Variants in ELP4 observed in about 807,000 individuals in gnomAD.
The protein encoded by ELP4 is elongator acetyltransferase complex subunit 4, also known as elongator complex protein 4.
A neutral mutation model predicts 48.9 loss-of-function variants in ELP4; 51 were observed. The ratio of observed to expected loss-of-function variants is 1.04; its 90% CI spans 0.83 to 1.32. The LOEUF (loss-of-function observed/expected upper bound fraction) is 1.32. Among genes scored for constraint, ELP4 ranks in the 40% most tolerant of loss-of-function variants. The pLI is 0.00. For missense variants in ELP4, 519 were observed against 514.6 expected (o/e 1.01, Z -0.08); for synonymous variants, 210 against 189.2 (o/e 1.11, Z -0.90).
chr11:31,692,033 C>A (rs993313845), intron 9 of ELP4, among the ~76,000 whole-genome samples: 1 of 152,092 alleles, frequency 6.6e-6, no homozygotes, highest in African/African-American at 2.4e-5. Flanking sequence ...GTCTATGCAA[C>A]ATAACAGTGA....
chr11:31,581,554 CA>C (rs889642076), intron 3 of ELP4, among the ~76,000 whole-genome samples: 18 of 152,122 alleles, frequency 1.2e-4, no homozygotes, highest in Middle Eastern at 3.4e-3. Context: ...TGTTCACACC[CA>C]ACCTGAAGAA....
chr11:31,740,275 C>A (rs959725431), intron 9 of ELP4, among the ~76,000 whole-genome samples: 8 of 152,130 alleles, frequency 5.3e-5, no homozygotes, highest in Non-Finnish European at 7.4e-5. Flanking sequence ...CAACTGCTGG[C>A]ACATTTTAGT....
Position 31,786,426 on chromosome 11 carries a change from T to C in ELP4, c.*2902T>C, listed in dbSNP as rs538635671. ...AAAACCGAGCAGTTGAGTCATTCAGTACCAAGCCAAAACACAGAAAAACAA... is the reference window on the plus strand; with the variant it reads ...AAAACCGAGCAGTTGAGTCATTCAGCACCAAGCCAAAACACAGAAAAACAA... On this transcript the variant is annotated 3_prime_UTR_variant, in exon 10 of 10. Transcript: ENST00000640961. 3 of 217,412 alleles carry C rather than the reference T, an allele frequency of 1.4e-5. No homozygotes were observed. The highest frequency in any genetic ancestry group is 6.8e-5 in the East Asian group (1 of 14,776). 13.5% of individuals were successfully genotyped at this position (217,412 alleles called of 1,614,324 possible).
intron 9 of ELP4, among the ~76,000 whole-genome samples, chr11:31,667,401 AC>A (rs1008969898): frequency 2.5e-4 from 38 of 152,302 alleles, no homozygotes; most frequent in African/African-American, 8.9e-4. Context: ...ATAACCATCA[AC>A]TTTATTTTGG....
rs552552782 is a variant in ELP4, at chr11:31,635,839, A to G, written c.927+3434A>G. On this transcript the variant is annotated intron_variant, in intron 7 of 9. Coordinates refer to ENST00000640961, the MANE Select transcript of ELP4 (RefSeq NM_019040.5). ...TAAGATATAAAAGTCTATCAAAGCAATAGAAATCTCCAGCAGCCTCTTTTT... is the reference window on the plus strand; with the variant it reads ...TAAGATATAAAAGTCTATCAAAGCAGTAGAAATCTCCAGCAGCCTCTTTTT... 1.1e-3 allele frequency among the ~76,000 whole-genome samples: 166 copies of G among 152,166 alleles called. 1 individual carries two copies. Among genetic ancestry groups the G allele is most frequent in the Admixed American group, 4.9e-3 (74 of 15,242 alleles).
intron 3 of ELP4, among the ~76,000 whole-genome samples, chr11:31,540,223 T>A (rs540182134): frequency 6.6e-6 from 1 of 152,210 alleles, no homozygotes; most frequent in African/African-American, 2.4e-5. Context: ...TTTTCTATAC[T>A]ACTAACAAAG....
intron 9 of ELP4, among the ~76,000 whole-genome samples, chr11:31,684,611 G>A (rs1439451460): frequency 6.6e-6 from 1 of 152,156 alleles, no homozygotes; most frequent in Non-Finnish European, 1.5e-5. Flanking sequence ...GGACAGAAAA[G>A]AGTCCAGAAA....
At chr11:31,770,254 C>G (rs752222801) in intron 9 of ELP4, among the ~76,000 whole-genome samples, 1 of 152,128 alleles carries the variant, frequency 6.6e-6, no homozygotes, top group African/African-American at 2.4e-5. Flanking sequence ...GTGAGAAACC[C>G]AGCTACACAA....
At chr11:31,627,042 T>C (rs1944759294) in intron 5 of ELP4, 68 bp from the exon 6 acceptor site, 4 of 831,662 alleles carry the variant, frequency 4.8e-6, no homozygotes, top group Non-Finnish European at 8.1e-6. Flanking sequence ...CTTAATGTTT[T>C]ATCATAGATT....
chr11:31,741,034 C>G (rs1224398977), intron 9 of ELP4, among the ~76,000 whole-genome samples: 1 of 152,130 alleles, frequency 6.6e-6, no homozygotes, highest in Non-Finnish European at 1.5e-5. Context: ...TCGGGTCACT[C>G]CCACCCTAAT....
chr11:31,689,282 AT>A (rs1946224907), intron 9 of ELP4: 2 of 151,786 alleles, frequency 1.3e-5, no homozygotes, highest in Admixed American at 6.6e-5. Flanking sequence ...CTCTACAAAA[AT>A]TTTTTTTAAT....
At chr11:31,527,906 C>T (rs896268469) in intron 2 of ELP4, among the ~76,000 whole-genome samples, 2 of 152,058 alleles carry the variant, frequency 1.3e-5, no homozygotes, top group Non-Finnish European at 2.9e-5. Flanking sequence ...CTCTTCTCAT[C>T]CTCTCACTAT....
intron 3 of ELP4, among the ~76,000 whole-genome samples, chr11:31,557,841 A>G (rs1420307658): frequency 6.6e-6 from 1 of 152,044 alleles, no homozygotes; most frequent in Non-Finnish European, 1.5e-5. Context: ...TGCAAGATTT[A>G]GTATACTTAA....
chr11:31,616,014 C>G (rs1183785124), intron 5 of ELP4, among the ~76,000 whole-genome samples: 1 of 151,964 alleles, frequency 6.6e-6, no homozygotes, highest in South Asian at 2.1e-4. Context: ...TTCAAAAATC[C>G]TATGACATTA....
intron 2 of ELP4, among the ~76,000 whole-genome samples, chr11:31,527,651 A>G (rs960786495): frequency 6.6e-6 from 1 of 152,050 alleles, no homozygotes; most frequent in African/African-American, 2.4e-5. Context: ...CTTTGCTGCC[A>G]CTACCCCAAT....
intron 9 of ELP4, chr11:31,707,443 A>G (rs1202542561): frequency 6.5e-6 from 1 of 154,738 alleles, no homozygotes; most frequent in African/African-American, 2.4e-5. Flanking sequence ...CTTATGTTTT[A>G]TTATTTCCCT....
At chr11:31,606,387 G>A (rs1957875347) in intron 5 of ELP4, among the ~76,000 whole-genome samples, 1 of 152,014 alleles carries the variant, frequency 6.6e-6, no homozygotes, top group South Asian at 2.1e-4. Flanking sequence ...ATTAAGGCTA[G>A]AGGTTATAGC....
At chr11:31,674,856 A>G (rs1945886171) in intron 9 of ELP4, among the ~76,000 whole-genome samples, 1 of 152,240 alleles carries the variant, frequency 6.6e-6, no homozygotes, top group Non-Finnish European at 1.5e-5. Flanking sequence ...CATTCTGTCC[A>G]TATTAGTAAA....
chr11:31,606,882 C>A (rs1306581852), intron 5 of ELP4, among the ~76,000 whole-genome samples: 2 of 152,166 alleles, frequency 1.3e-5, no homozygotes, highest in African/African-American at 4.8e-5. Flanking sequence ...CTACCACTAC[C>A]AACTGAATGT....
Sources: allele counts gnomAD v4.1 joint callset (sites outside exome capture counted in the v4.1 genomes callset), GRCh38; gene constraint gnomAD v4.1.1; transcripts MANE v1.5; gene names NCBI Gene and HGNC (gene_info 2026-07-23, HGNC 2026-07-21).